Variants in SNX27 observed in about 807,000 individuals in gnomAD.
SNX27 encodes the protein sorting nexin 27, also known as sorting nexin-27.
Under a neutral mutation model 71.6 loss-of-function variants are expected in SNX27, and 22 were observed. The observed-to-expected ratio is 0.31, with a 90% CI of 0.22 to 0.44. The LOEUF (loss-of-function observed/expected upper bound fraction) is 0.44. SNX27 is among the 20% of genes least tolerant of loss of function. The pLI is 1.00. For missense variants in SNX27, 531 were observed against 698.6 expected (o/e 0.76, Z 2.70); for synonymous variants, 269 against 277.2 (o/e 0.97, Z 0.29).
In SNX27 at chr1:151,694,429, C is replaced by CCCCTT; in HGVS notation, c.*24_*28dup. 1 of 1,549,948 alleles carries CCCCTT rather than the reference C, an allele frequency of 6.5e-7. No individual in the cohort carries two copies. The highest frequency in any genetic ancestry group is 2.0e-5 in the Admixed American group (1 of 50,962). ...ATGTGGCCACCTAGCCTTTCCTTAT[C>CCCCTT]CCCTTCCCTTCCCTTCACCCCCATC... On this transcript the variant is annotated 3_prime_UTR_variant, in exon 12 of 12. Transcript: ENST00000458013.
chr1:151,669,940 A>G (rs1234193860), intron 7 of SNX27, among the ~76,000 whole-genome samples: 1 of 152,152 alleles, frequency 6.6e-6, no homozygotes, highest in Admixed American at 6.5e-5. Context: ...TTAAATTATT[A>G]TTGACTATAG....
chr1:151,633,579 G>A (rs1057369816), intron 1 of SNX27, among the ~76,000 whole-genome samples: 3 of 152,156 alleles, frequency 2.0e-5, no homozygotes, highest in African/African-American at 4.8e-5. Flanking sequence ...GATTACAGGC[G>A]TGACACGTAA....
At chr1:151,690,981 A>G (rs1338320896) in intron 8 of SNX27, among the ~76,000 whole-genome samples, 1 of 152,194 alleles carries the variant, frequency 6.6e-6, no homozygotes, top group Non-Finnish European at 1.5e-5. Context: ...GCTGTTTATT[A>G]TAACCCCAGA....
chr1:151,668,459 G>A lies in SNX27; in HGVS notation c.986-13G>A, dbSNP rs755190449. 3.1e-6 allele frequency: 5 copies of A among 1,602,132 alleles called. No homozygotes were observed. The East Asian group carries it at 1.1e-4, about 36-fold the overall frequency. Reference sequence around the variant, plus strand: ...TTTTCACTCCAGCTTTCTGTGTTTTGTCTTTCCTTTAGTACGTAAATTGGC... The same window carrying A: ...TTTTCACTCCAGCTTTCTGTGTTTTATCTTTCCTTTAGTACGTAAATTGGC... On this transcript the variant is annotated splice_polypyrimidine_tract_variant and intron_variant, in intron 6 of 11. Coordinates refer to ENST00000458013, the MANE Select transcript of SNX27 (RefSeq NM_001330723.2).
chr1:151,619,386 G>GT (rs1044437460), intron 1 of SNX27, among the ~76,000 whole-genome samples: 1 of 152,098 alleles, frequency 6.6e-6, no homozygotes, highest in Non-Finnish European at 1.5e-5. Flanking sequence ...AGTAAATACA[G>GT]TTTTTTTGGT....
At chr1:151,664,848 A>C (rs1670117811) in intron 5 of SNX27, among the ~76,000 whole-genome samples, 1 of 152,090 alleles carries the variant, frequency 6.6e-6, no homozygotes, top group African/African-American at 2.4e-5. Flanking sequence ...TCCTCTAGCA[A>C]GGCTTAGGTT....
At position 151,612,888 on chromosome 1, in the gene SNX27, G is replaced by A. The variant is rs1156961189; in HGVS notation, c.311+376G>A. Among the ~76,000 whole-genome samples the A allele has an allele frequency of 6.6e-6, 1 of 151,972 alleles. No individual in the cohort carries two copies. The highest frequency in any genetic ancestry group is 2.4e-5 in the African/African-American group (1 of 41,360). The stretch of plus-strand genomic sequence containing the variant: ...GAACCTCATCTGCTCCTTACTGACG[G>A]CGTTTCGTTTTCTGATCCAGCCAGT... On this transcript the variant is annotated intron_variant, in intron 1 of 11. Transcript: ENST00000458013. The surrounding 1 kb of genome is among the most constrained non-coding windows in gnomAD (Gnocchi z 5.2).
At chr1:151,641,704 G>T (rs1668759166) in intron 2 of SNX27, among the ~76,000 whole-genome samples, 2 of 129,732 alleles carry the variant, frequency 1.5e-5, no homozygotes, top group Non-Finnish European at 3.2e-5. Flanking sequence ...TCATATATAT[G>T]ATATATATAG....
rs762924986 is a variant in SNX27, at chr1:151,681,235, C to CTTTTTTTTTTTTTTTTTTT, written c.1150-2115_1150-2097dup. 8.2e-4 allele frequency among the ~76,000 whole-genome samples: 50 copies of CTTTTTTTTTTTTTTTTTTT among 60,698 alleles called. 7 individuals carry two copies. Among genetic ancestry groups the CTTTTTTTTTTTTTTTTTTT allele is most frequent in the East Asian group, 2.0e-3 (5 of 2,482 alleles). The allele number at this position is 60,698 out of a possible 152,430, so 39.8% of individuals were successfully genotyped here. On this transcript the variant is annotated intron_variant, in intron 7 of 11. Coordinates refer to ENST00000458013, the MANE Select transcript of SNX27 (RefSeq NM_001330723.2). Reference sequence around the variant, plus strand: ...CTAGAAGTTGAATTAGTCTCTCAATCTTTTTTTTTTTTTTTTTTTTTTTTG... The same window carrying CTTTTTTTTTTTTTTTTTTT: ...CTAGAAGTTGAATTAGTCTCTCAATCTTTTTTTTTTTTTTTTTTTTTTTTTTTTTTTTTTTTTTTTTTTG...
At chr1:151,657,439 T>C (rs1669746956) in intron 2 of SNX27, among the ~76,000 whole-genome samples, 1 of 152,190 alleles carries the variant, frequency 6.6e-6, no homozygotes, top group South Asian at 2.1e-4. Context: ...CAAAGTGTGC[T>C]GGAATCACAG....
chr1:151,642,013 T>G (rs1195951215), intron 2 of SNX27, among the ~76,000 whole-genome samples: 1 of 146,206 alleles, frequency 6.8e-6, no homozygotes, highest in Non-Finnish European at 1.5e-5. Context: ...ATATCAGATA[T>G]AGATATATAT....
At chr1:151,638,155 A>G (rs983052274) in intron 1 of SNX27, among the ~76,000 whole-genome samples, 32 of 152,236 alleles carry the variant, frequency 2.1e-4, no homozygotes, top group Non-Finnish European at 1.8e-4. Context: ...TAGGCTGACC[A>G]TATAATTATA....
chr1:151,636,934 G>T (rs1178969828), intron 1 of SNX27, among the ~76,000 whole-genome samples: 1 of 151,844 alleles, frequency 6.6e-6, no homozygotes. Flanking sequence ...TTTAGGAATT[G>T]TTCTACATGT....
chr1:151,627,654 C>T (rs1668007509), intron 1 of SNX27, among the ~76,000 whole-genome samples: 1 of 151,846 alleles, frequency 6.6e-6, no homozygotes, highest in African/African-American at 2.4e-5. Context: ...TCTCGAACTC[C>T]TGGGCTCAAA....
chr1:151,628,289 G>A (rs1479157315), intron 1 of SNX27, among the ~76,000 whole-genome samples: 1 of 152,124 alleles, frequency 6.6e-6, no homozygotes, highest in Non-Finnish European at 1.5e-5. Context: ...TTGCAGGCAT[G>A]AGCCACTGCG....
At chr1:151,668,770 A>G (rs1670328021) in intron 7 of SNX27, 135 bp downstream of exon 7, 1 of 639,046 alleles carries the variant, frequency 1.6e-6, no homozygotes, top group Middle Eastern at 4.3e-4. Context: ...AAAATGTTCT[A>G]TCCCATTTCA....
intron 7 of SNX27, chr1:151,677,438 A>G (rs924795245): frequency 6.6e-6 from 1 of 152,200 alleles, no homozygotes; most frequent in African/African-American, 2.4e-5. Flanking sequence ...AGGAGTCAGA[A>G]TATCTGATTC....
chr1:151,646,050 A>G (rs1315590032), intron 2 of SNX27, among the ~76,000 whole-genome samples: 2 of 152,144 alleles, frequency 1.3e-5, no homozygotes, highest in Non-Finnish European at 2.9e-5. Flanking sequence ...GATCCCTTTA[A>G]CATTATTTAT....
intron 11 of SNX27, 36 bp downstream of exon 11, chr1:151,693,519 C>T (rs1251938739): frequency 6.2e-7 from 1 of 1,613,302 alleles, no homozygotes; most frequent in African/African-American, 1.3e-5. Context: ...ACCTTTTCAT[C>T]TTTTTGTTTC....
Sources: gnomAD v4.1 joint callset for allele counts (sites outside exome capture counted in the v4.1 genomes callset) on GRCh38, gnomAD v4.1.1 for gene constraint, Gnocchi (gnomAD v3.1) non-coding constraint, MANE v1.5 for transcripts, NCBI Gene and HGNC (gene_info 2026-07-23, HGNC 2026-07-21) for gene names.